PLEKHG7: variants seen among roughly 807,000 people sequenced by gnomAD.
PLEKHG7 encodes pleckstrin homology domain-containing family G member 7.
In PLEKHG7, 77 loss-of-function variants were observed where a neutral mutation model predicts 85.2. The ratio of observed to expected loss-of-function variants is 0.90; its 90% confidence interval spans 0.75 to 1.09. PLEKHG7 has a LOEUF of 1.09. Ranked by LOEUF, PLEKHG7 falls within the 50% of genes least tolerant of loss-of-function variation. The pLI, the probability that PLEKHG7 is intolerant of heterozygous loss-of-function variation, is 0.00. For missense variants in PLEKHG7, 777 were observed against 804.3 expected (o/e 0.97, Z 0.41); for synonymous variants, 301 against 302.4 (o/e 1.00, Z 0.05).
At chr12:92,768,003 G>C (rs532262208) in intron 15 of PLEKHG7, among the ~76,000 whole-genome samples, 32 of 152,096 alleles carry the variant, frequency 2.1e-4, no homozygotes, top group African/African-American at 7.2e-4. Context: ...TTAGGAGTTC[G>C]AGACCAGCCT....
At chr12:92,764,426 C>G (rs1432115166) in intron 15 of PLEKHG7, among the ~76,000 whole-genome samples, 1 of 152,094 alleles carries the variant, frequency 6.6e-6, no homozygotes, top group African/African-American at 2.4e-5. Context: ...CTTCAGTTTT[C>G]TAAGCCTTTG....
chr12:92,766,727 G>A (rs1235784380), intron 15 of PLEKHG7, among the ~76,000 whole-genome samples: 1 of 152,100 alleles, frequency 6.6e-6, no homozygotes, highest in East Asian at 1.9e-4. Context: ...CTACTGGGGA[G>A]ACAAAGGCAC....
At chr12:92,731,177 T>C (rs1240828780) in intron 4 of PLEKHG7, among the ~76,000 whole-genome samples, 3 of 152,202 alleles carry the variant, frequency 2.0e-5, no homozygotes. Context: ...ACCCCAATTA[T>C]TGCAGTTCAA....
At position 92,732,222 on chromosome 12, in the gene PLEKHG7, A is replaced by G; in HGVS notation, c.659-11A>G. The G allele has an allele frequency of 8.1e-7, 1 of 1,228,224 alleles. No homozygotes were observed. The highest frequency in any genetic ancestry group is 1.0e-6 in the Non-Finnish European group (1 of 984,500). 76.1% of individuals were successfully genotyped at this position (1,228,224 alleles called of 1,614,324 possible). ...TACTCGTAATAATATATTGTCTTTAATTTCACCCAGAATCCAAAAAGCCAA... is the reference window on the plus strand; with the variant it reads ...TACTCGTAATAATATATTGTCTTTAGTTTCACCCAGAATCCAAAAAGCCAA... On this transcript the variant is annotated splice_polypyrimidine_tract_variant and intron_variant, in intron 4 of 16. Coordinates refer to ENST00000344636, the MANE Select transcript of PLEKHG7 (RefSeq NM_001377329.1).
chr12:92,764,154 T>C lies in PLEKHG7; in HGVS notation c.1830T>C (p.Asp610=). ...TACTCGATCAGCCTATTCCACTAGA[T>C]AGATTGGTAGTCAAAAGTATTGAAC... is the stretch of plus-strand genomic sequence containing the variant. ...CTVLDQPIPL[D]RLVVKSIEPL... Residue 610 remains aspartate, a synonymous_variant, in exon 15 of 17, where the codon GAT becomes GAC. Coordinates refer to ENST00000344636, the MANE Select transcript of PLEKHG7 (RefSeq NM_001377329.1). 3 of 1,608,422 alleles carry C rather than the reference T, an allele frequency of 1.9e-6. No homozygotes were observed.
At chr12:92,748,828 A>G (rs1393424875) in intron 10 of PLEKHG7, among the ~76,000 whole-genome samples, 1 of 152,230 alleles carries the variant, frequency 6.6e-6, no homozygotes, top group African/African-American at 2.4e-5. Context: ...TCATGAAACA[A>G]AGGTGAGAGG....
intron 3 of PLEKHG7, 168 bp downstream of exon 3, chr12:92,707,840 C>A: frequency 1.8e-6 from 2 of 1,135,404 alleles, no homozygotes; most frequent in Non-Finnish European, 2.5e-6. Context: ...GTTTTCATTT[C>A]AAGAGTCTCC....
In PLEKHG7 at chr12:92,727,967, T is replaced by C. The variant is rs575224158; in HGVS notation, c.531-1026T>C. On this transcript the variant is annotated intron_variant, in intron 3 of 16. Transcript: ENST00000344636. ...GTGTGTGTGTGTGTGTGTGTGTATA[T>C]ATATATATACACATATATACACACA... is the stretch of plus-strand genomic sequence containing the variant. Among the ~76,000 whole-genome samples the C allele has an allele frequency of 4.4e-4, 63 of 141,874 alleles. 7 individuals are homozygous for C. Among genetic ancestry groups the C allele is most frequent in the African/African-American group, 1.8e-3 (61 of 33,938 alleles). 93.1% of individuals were successfully genotyped at this position (141,874 alleles called of 152,430 possible). A position where few individuals can be genotyped will look rare whatever the true frequency, so the allele number is the denominator to read the frequency against.
intron 3 of PLEKHG7, among the ~76,000 whole-genome samples, chr12:92,717,502 C>T (rs1040643092): frequency 1.3e-5 from 2 of 152,134 alleles, no homozygotes; most frequent in African/African-American, 4.8e-5. Context: ...GTTTTTAATC[C>T]ACAAAGTGGA....
intron 13 of PLEKHG7, 31 bp from the exon 14 acceptor site, chr12:92,761,721 T>G: frequency 6.5e-7 from 1 of 1,538,220 alleles, no homozygotes; most frequent in Non-Finnish European, 8.7e-7. Context: ...CAGTTTCAGG[T>G]CCCCATTTCA....
In PLEKHG7 at chr12:92,741,491, A is replaced by T. The variant is rs146721338; in HGVS notation, c.1036A>T (p.Thr346Ser). The T allele has an allele frequency of 3.3e-4, 526 of 1,604,908 alleles. No individual in the cohort carries two copies. The highest frequency in any genetic ancestry group is 4.0e-4 in the Non-Finnish European group (471 of 1,176,118). The change falls in exon 9 of 17, where the codon ACA (threonine) becomes TCA (serine). Residue 346 changes from threonine (T) to serine (S), a missense_variant and splice_region_variant. Physicochemically the swap from Thr to Ser is moderately conservative, Grantham distance 58. Around this residue, in one of 3 missense-constraint regions of PLEKHG7, gnomAD observed 520 missense variants for 544.0 expected, o/e 0.96. Coordinates refer to ENST00000344636, the MANE Select transcript of PLEKHG7 (RefSeq NM_001377329.1). Reference protein sequence around the residue: ...LFANLEELTQTSLGFVNSLFG... With the variant: ...LFANLEELTQSSLGFVNSLFG... ...TTGTTTTCTTTCTCTCTGTCCCTAG[A>T]CAAGCCTTGGTTTTGTGAACAGTCT...
chr12:92,771,923 A>C lies in PLEKHG7; in HGVS notation c.*1728A>C, dbSNP rs1436423961. On this transcript the variant is annotated 3_prime_UTR_variant, in exon 17 of 17. Coordinates refer to ENST00000344636, the MANE Select transcript of PLEKHG7 (RefSeq NM_001377329.1). Reference sequence around the variant, plus strand: ...AACAGCTCAAGAATATGCTGTACATAAACTGGAATTCTATAAAGCTCACAA... The same window carrying C: ...AACAGCTCAAGAATATGCTGTACATCAACTGGAATTCTATAAAGCTCACAA... 2.0e-5 allele frequency: 3 copies of C among 152,028 alleles called. No individual in the cohort carries two copies. Among genetic ancestry groups the C allele is most frequent in the African/African-American group, 7.2e-5 (3 of 41,450 alleles). The allele number at this position is 152,028 out of a possible 1,614,324, so 9.4% of individuals were successfully genotyped here.
At chr12:92,766,691 G>A (rs779391741) in intron 15 of PLEKHG7, among the ~76,000 whole-genome samples, 10 of 152,152 alleles carry the variant, frequency 6.6e-5, no homozygotes, top group South Asian at 4.2e-4. Flanking sequence ...ATAGCCAGGC[G>A]TGGTGGCACA....
intron 3 of PLEKHG7, among the ~76,000 whole-genome samples, chr12:92,722,808 A>G (rs1871684146): frequency 1.3e-5 from 2 of 152,226 alleles, no homozygotes; most frequent in African/African-American, 4.8e-5. Flanking sequence ...TTCGATCTAT[A>G]GGTCAACATG....
chr12:92,754,369 C>A (rs765617043), intron 11 of PLEKHG7, 105 bp downstream of exon 11: 19 of 1,125,758 alleles, frequency 1.7e-5, no homozygotes, highest in African/African-American at 3.1e-5. Flanking sequence ...GATTTGAGGT[C>A]ATGGCTCTTG....
intron 4 of PLEKHG7, among the ~76,000 whole-genome samples, chr12:92,729,368 T>C (rs1871916922): frequency 6.7e-6 from 1 of 150,206 alleles, no homozygotes; most frequent in South Asian, 2.1e-4. Flanking sequence ...TAAAATGTCT[T>C]CTGGCCAAAT....
At chr12:92,739,408 T>C (rs939234453) in intron 7 of PLEKHG7, among the ~76,000 whole-genome samples, 1 of 152,186 alleles carries the variant, frequency 6.6e-6, no homozygotes, top group African/African-American at 2.4e-5. Flanking sequence ...ATGCTGTTTT[T>C]AGGGAAGGGG....
rs150762530 is a variant in PLEKHG7 at position 92,716,725 on chromosome 12, A to G, written c.530+9053A>G. On this transcript the variant is annotated intron_variant, in intron 3 of 16. Transcript: ENST00000344636. ...CCTTTTGGGTTTCCCCGCATCTTATAAATGTCTCCATCATAATTTCTAAAA... is the reference window on the plus strand; with the variant it reads ...CCTTTTGGGTTTCCCCGCATCTTATGAATGTCTCCATCATAATTTCTAAAA... Among the ~76,000 whole-genome samples, 41 of 152,368 alleles carry G rather than the reference A, an allele frequency of 2.7e-4. No individual in the cohort carries two copies. In the East Asian group the frequency reaches 7.5e-3, roughly 28 times the overall value.
intron 4 of PLEKHG7, among the ~76,000 whole-genome samples, chr12:92,731,140 A>G (rs1393476048): frequency 6.6e-6 from 1 of 152,242 alleles, no homozygotes; most frequent in Non-Finnish European, 1.5e-5. Flanking sequence ...AGAAAAGCAC[A>G]GGAGAGAAAT....
Sources: allele counts gnomAD v4.1 joint callset (sites outside exome capture counted in the v4.1 genomes callset), GRCh38; gene constraint gnomAD v4.1.1; regional missense constraint gnomAD v4.1.1; transcripts MANE v1.5; gene names NCBI Gene and HGNC (gene_info 2026-07-23, HGNC 2026-07-21).